SLCO3A1: variants seen among roughly 807,000 people sequenced by gnomAD.
SLCO3A1 encodes the protein solute carrier organic anion transporter family member 3A1.
Under a neutral mutation model 63.1 loss-of-function variants are expected in SLCO3A1, and 27 were observed. That is an observed-to-expected ratio of 0.43 (90% CI 0.32 to 0.59). The LOEUF (loss-of-function observed/expected upper bound fraction) is 0.59. Ranked by LOEUF, SLCO3A1 falls within the 20% of genes least tolerant of loss-of-function variation. SLCO3A1 has a pLI of 0.09. For missense variants in SLCO3A1, 773 were observed against 945.8 expected (o/e 0.82, Z 2.40); for synonymous variants, 473 against 409.9 (o/e 1.15, Z -1.86).
chr15:91,876,930 T>G (rs1375765941), intron 1 of SLCO3A1, among the ~76,000 whole-genome samples: 2 of 152,248 alleles, frequency 1.3e-5, no homozygotes, highest in Non-Finnish European at 2.9e-5. Context: ...TTACAGATAT[T>G]TGACTTTTGC....
At chr15:92,032,289 G>A (rs2151480445) in intron 2 of SLCO3A1, among the ~76,000 whole-genome samples, 1 of 152,256 alleles carries the variant, frequency 6.6e-6, no homozygotes, top group Non-Finnish European at 1.5e-5. Flanking sequence ...CCAGGTGTGA[G>A]GAGAACTGAA....
chr15:92,166,940 G>T (rs897726770), downstream of SLCO3A1, among the ~76,000 whole-genome samples: 5 of 152,168 alleles, frequency 3.3e-5, no homozygotes, highest in African/African-American at 1.2e-4. Flanking sequence ...GCCCTGCTAG[G>T]AACTCCAAAG....
chr15:91,952,694 C>T (rs1427594420), intron 2 of SLCO3A1, among the ~76,000 whole-genome samples: 3 of 152,096 alleles, frequency 2.0e-5, no homozygotes, highest in African/African-American at 4.8e-5. Context: ...TATACTTTTC[C>T]GAAATCAATA....
Position 91,941,837 on chromosome 15 carries a change from G to A in SLCO3A1, c.646+25379G>A, listed in dbSNP as rs561278302. Among the ~76,000 whole-genome samples, 1 of 152,174 alleles carries A rather than the reference G, an allele frequency of 6.6e-6. No homozygotes were observed. The highest frequency in any genetic ancestry group is 1.5e-5 in the Non-Finnish European group (1 of 68,016). On this transcript the variant is annotated intron_variant, in intron 2 of 9. Transcript: ENST00000318445. This position sits in a 1 kb window ranked among gnomAD's most constrained non-coding sequence, Gnocchi z 4.4. ...CAGTGCTTTGCATACTGTAGGAGCTGCATAAATGCCACTGGCTTATGGGCA... is the reference window on the plus strand; with the variant it reads ...CAGTGCTTTGCATACTGTAGGAGCTACATAAATGCCACTGGCTTATGGGCA...
intron 2 of SLCO3A1, among the ~76,000 whole-genome samples, chr15:92,013,115 A>G (rs1008725339): frequency 6.6e-6 from 1 of 152,226 alleles, no homozygotes; most frequent in Non-Finnish European, 1.5e-5. Context: ...GCCTGTGTGC[A>G]GATGGGTGGC....
Position 92,002,664 on chromosome 15 carries a change from G to A in SLCO3A1, c.646+86206G>A, listed in dbSNP as rs190778952. Among the ~76,000 whole-genome samples, 662 of 152,260 alleles carry A rather than the reference G, an allele frequency of 4.3e-3. 2 individuals are homozygous for A. Among genetic ancestry groups the A allele is most frequent in the Non-Finnish European group, 7.0e-3 (477 of 68,028 alleles). On this transcript the variant is annotated intron_variant, in intron 2 of 9. Transcript: ENST00000318445. ...GAGTTTTATGGTAAAGATATTCTCC[G>A]AAATTAGTGGTAGCAATTATCTCTC...
At chr15:91,951,213 A>G (rs1808865239) in intron 2 of SLCO3A1, among the ~76,000 whole-genome samples, 1 of 152,128 alleles carries the variant, frequency 6.6e-6, no homozygotes, top group Non-Finnish European at 1.5e-5. Flanking sequence ...TCCATTAGCA[A>G]TCCTCTCCCA....
At chr15:92,112,701 A>G (rs2047744048) in intron 4 of SLCO3A1, among the ~76,000 whole-genome samples, 1 of 152,220 alleles carries the variant, frequency 6.6e-6, no homozygotes. Flanking sequence ...CACTCACCAA[A>G]TAAGCTTGGG....
At chr15:91,957,066 T>G (rs191821446) in intron 2 of SLCO3A1, among the ~76,000 whole-genome samples, 7 of 4,484 alleles carry the variant, frequency 1.6e-3, no homozygotes, top group Admixed American at 3.6e-3. Flanking sequence ...ATACTATATA[T>G]TATATATATA....
At chr15:92,071,687 G>A (rs1186399560) in intron 2 of SLCO3A1, among the ~76,000 whole-genome samples, 2 of 152,180 alleles carry the variant, frequency 1.3e-5, no homozygotes. Context: ...GTGGGCCGTG[G>A]CCTCTCCTCT....
At chr15:91,981,741 T>G (rs920346449) in intron 2 of SLCO3A1, among the ~76,000 whole-genome samples, 1 of 152,200 alleles carries the variant, frequency 6.6e-6, no homozygotes, top group East Asian at 1.9e-4. Flanking sequence ...TTTTTCTTGT[T>G]GGAAAGGTTG....
chr15:91,966,808 G>A (rs1900677777), intron 2 of SLCO3A1, among the ~76,000 whole-genome samples: 1 of 152,120 alleles, frequency 6.6e-6, no homozygotes, highest in Admixed American at 6.6e-5. Context: ...ACTGTTCGTG[G>A]AAAAAGGTGA....
At chr15:91,930,267 CA>C (rs917851432) in intron 2 of SLCO3A1, among the ~76,000 whole-genome samples, 1 of 152,154 alleles carries the variant, frequency 6.6e-6, no homozygotes, top group African/African-American at 2.4e-5. Context: ...CAGCACCTCT[CA>C]ACTGGACCAC....
At chr15:92,001,955 ATACCTGC>A (rs1460885601) in intron 2 of SLCO3A1, among the ~76,000 whole-genome samples, 7 of 149,736 alleles carry the variant, frequency 4.7e-5, no homozygotes, top group Non-Finnish European at 5.9e-5. Context: ...GCCTAGAGAG[ATACCTGC>A]TCAATGCAGG....
intron 9 of SLCO3A1, among the ~76,000 whole-genome samples, chr15:92,154,517 A>G (rs1205858264): frequency 6.6e-6 from 1 of 152,210 alleles, no homozygotes; most frequent in East Asian, 1.9e-4. Flanking sequence ...ATACTGGACA[A>G]TGAGGGGGCC....
chr15:91,947,845 G>A (rs1899862046), intron 2 of SLCO3A1, among the ~76,000 whole-genome samples: 2 of 152,096 alleles, frequency 1.3e-5, no homozygotes, highest in Admixed American at 6.6e-5. Flanking sequence ...GGGACCCTGG[G>A]TCGGTCTGTA....
intron 2 of SLCO3A1, among the ~76,000 whole-genome samples, chr15:91,972,852 G>A (rs1412576899): frequency 6.6e-6 from 1 of 152,196 alleles, no homozygotes; most frequent in Non-Finnish European, 1.5e-5. Flanking sequence ...CGGGCATGGT[G>A]GCTCATGCCT....
chr15:92,165,658 C>T lies in SLCO3A1; in HGVS notation c.*2523C>T. On this transcript the variant is annotated 3_prime_UTR_variant, in exon 10 of 10. Transcript: ENST00000318445. ...GGTATAAATTTAAAGACCGCTGTTG[C>T]AGGATGGCTCTGAATTCTGTTGTGT... The T allele has an allele frequency of 1.0e-6, 1 of 985,364 alleles. No homozygotes were observed. Among genetic ancestry groups the T allele is most frequent in the African/African-American group, 1.7e-5 (1 of 57,350 alleles). 61.0% of individuals were successfully genotyped at this position (985,364 alleles called of 1,614,324 possible).
chr15:92,149,075 C>A (rs982183659), intron 8 of SLCO3A1: 1 of 152,350 alleles, frequency 6.6e-6, no homozygotes, highest in Non-Finnish European at 1.5e-5. Flanking sequence ...TGAAAAATGA[C>A]TAGTCTCTTA....
Sources: allele counts gnomAD v4.1 joint callset (sites outside exome capture counted in the v4.1 genomes callset), GRCh38; gene constraint gnomAD v4.1.1; non-coding constraint Gnocchi (gnomAD v3.1); transcripts MANE v1.5; gene names NCBI Gene and HGNC (gene_info 2026-07-23, HGNC 2026-07-21).